The following SEMA6D variants were observed in gnomAD, a reference collection of about 807,000 sequenced individuals.
The protein encoded by SEMA6D is semaphorin 6D.
A neutral mutation model predicts 106.6 loss-of-function variants in SEMA6D; 35 were observed. The observed-to-expected ratio is 0.33, with a 90% confidence interval of 0.25 to 0.44. SEMA6D has a LOEUF of 0.44. SEMA6D is among the 20% of genes least tolerant of loss of function. SEMA6D has a pLI of 1.00. For missense variants in SEMA6D, 1,185 were observed against 1,345.9 expected (o/e 0.88, Z 1.87); for synonymous variants, 499 against 487.7 (o/e 1.02, Z -0.31).
At chr15:47,726,726 T>C (rs1007187311) in intron 1 of SEMA6D, among the ~76,000 whole-genome samples, 1 of 152,244 alleles carries the variant, frequency 6.6e-6, no homozygotes, top group South Asian at 2.1e-4. Flanking sequence ...ACAGCACTTA[T>C]AATAGTGCTT....
In SEMA6D at chr15:47,469,154, C is replaced by T. The variant is rs145605751; in HGVS notation, c.-158-1320C>T. ...TATCACTGACATGATTGAGAATTAT[C>T]AGTGCAAGGTGATGATAAAAAGCAA... On this transcript the variant is annotated intron_variant, in intron 2 of 19. Coordinates refer to the SEMA6D transcript ENST00000558014. Among the ~76,000 whole-genome samples the T allele has an allele frequency of 5.2e-3, 794 of 152,278 alleles. 5 individuals are homozygous for T. The highest frequency in any genetic ancestry group is 0.018 in the African/African-American group (757 of 41,552).
At chr15:47,587,102 A>G (rs1156245528) in intron 3 of SEMA6D, among the ~76,000 whole-genome samples, 1 of 152,150 alleles carries the variant, frequency 6.6e-6, no homozygotes, top group Non-Finnish European at 1.5e-5. Flanking sequence ...GATGGGCCCA[A>G]CCTGCTGGAG....
chr15:47,646,908 G>A (rs1197374900), intron 4 of SEMA6D, among the ~76,000 whole-genome samples: 4 of 152,152 alleles, frequency 2.6e-5, no homozygotes, highest in Non-Finnish European at 5.9e-5. Context: ...AAAAAGGTTG[G>A]CATTTAAGTT....
chr15:47,279,512 C>T (rs2035002801), intron 1 of SEMA6D, among the ~76,000 whole-genome samples: 1 of 148,704 alleles, frequency 6.7e-6, no homozygotes, highest in Non-Finnish European at 1.5e-5. Context: ...ATTGAATACC[C>T]TTTATTTCCT....
chr15:47,474,908 C>T (rs370528804), intron 3 of SEMA6D, among the ~76,000 whole-genome samples: 17 of 152,268 alleles, frequency 1.1e-4, no homozygotes, highest in African/African-American at 3.4e-4. Context: ...TGTTGCGGCA[C>T]GATTTCATGG....
chr15:47,488,476 G>GAA (rs66995768), intron 3 of SEMA6D, among the ~76,000 whole-genome samples: 32 of 146,746 alleles, frequency 2.2e-4, no homozygotes, highest in African/African-American at 6.9e-4. Context: ...TCTCATTTTT[G>GAA]AAAAAAAAAA....
chr15:47,567,822 C>G (rs1439784726), intron 3 of SEMA6D, among the ~76,000 whole-genome samples: 1 of 151,962 alleles, frequency 6.6e-6, no homozygotes, highest in Non-Finnish European at 1.5e-5. Flanking sequence ...GATTATTGAA[C>G]AGATAAATGA....
intron 4 of SEMA6D, among the ~76,000 whole-genome samples, chr15:47,665,030 G>A (rs1472041275): frequency 6.6e-6 from 1 of 152,066 alleles, no homozygotes; most frequent in Non-Finnish European, 1.5e-5. Flanking sequence ...GAGTATTACC[G>A]AGAAGATCCT....
In SEMA6D at chr15:47,771,894, A is replaced by G. The variant is rs1314085378; in HGVS notation, c.*109A>G. The G allele has an allele frequency of 1.9e-5, 22 of 1,182,540 alleles. No homozygotes were observed. Among genetic ancestry groups the G allele is most frequent in the Non-Finnish European group, 1.9e-5 (16 of 835,796 alleles). 73.3% of individuals were successfully genotyped at this position (1,182,540 alleles called of 1,614,324 possible). On this transcript the variant is annotated 3_prime_UTR_variant, in exon 19 of 19. Coordinates refer to ENST00000536845, the MANE Select transcript of SEMA6D (RefSeq NM_001358351.3). Reference sequence around the variant, plus strand: ...GACTCGCTTGTATTTTAAGAGAACCAAGTGGCCAAAGAAACTCTTTCTAAC... The same window carrying G: ...GACTCGCTTGTATTTTAAGAGAACCGAGTGGCCAAAGAAACTCTTTCTAAC...
intron 1 of SEMA6D, among the ~76,000 whole-genome samples, chr15:47,283,475 C>G (rs973110742): frequency 6.6e-6 from 1 of 152,152 alleles, no homozygotes; most frequent in African/African-American, 2.4e-5. Context: ...TGTCTCCTCT[C>G]ACTCAATTCC....
chr15:47,653,952 G>T lies in SEMA6D; in HGVS notation c.-55+53056G>T, dbSNP rs373051846. Among the ~76,000 whole-genome samples, 7 of 152,292 alleles carry T rather than the reference G, an allele frequency of 4.6e-5. No individual in the cohort carries two copies. In the East Asian group the frequency reaches 9.7e-4, roughly 21 times the overall value. On this transcript the variant is annotated intron_variant, in intron 4 of 19. Coordinates refer to the SEMA6D transcript ENST00000558014. ...AGACTTACATTGTTCCTGGCACTGT[G>T]CTGGGCTCTGGGAATTCAGTGGTGA...
chr15:47,507,884 T>G (rs1418105531), intron 3 of SEMA6D, among the ~76,000 whole-genome samples: 1 of 152,220 alleles, frequency 6.6e-6, no homozygotes, highest in Non-Finnish European at 1.5e-5. Context: ...TGAACAGATT[T>G]GGTTTGGTTC....
At chr15:47,460,413 C>A (rs957992281) in intron 2 of SEMA6D, among the ~76,000 whole-genome samples, 1 of 152,002 alleles carries the variant, frequency 6.6e-6, no homozygotes. Context: ...TTAGAGTAGT[C>A]CGAGAAATCA....
rs145558925 is a variant in SEMA6D at position 47,725,874 on chromosome 15, T to C, written c.-55+8182T>C. Among the ~76,000 whole-genome samples, 14 of 152,326 alleles carry C rather than the reference T, an allele frequency of 9.2e-5. No homozygotes were observed. The East Asian group carries it at 2.7e-3, about 29-fold the overall frequency. On this transcript the variant is annotated intron_variant, in intron 1 of 18. Transcript: ENST00000536845. Reference sequence around the variant, plus strand: ...ATGGTATATTTAAGTCTGTTACAAGTTAATAGTTATGTGACAGATAGTCTT... The same window carrying C: ...ATGGTATATTTAAGTCTGTTACAAGCTAATAGTTATGTGACAGATAGTCTT...
intron 3 of SEMA6D, among the ~76,000 whole-genome samples, chr15:47,561,108 T>C (rs1355215614): frequency 9.4e-5 from 14 of 149,650 alleles, no homozygotes; most frequent in Admixed American, 9.3e-4. Context: ...ACTTCCCAAA[T>C]TTAATTTAAA....
At chr15:47,291,055 CTTCA>C (rs1164643029) in intron 1 of SEMA6D, among the ~76,000 whole-genome samples, 1 of 152,110 alleles carries the variant, frequency 6.6e-6, no homozygotes, top group African/African-American at 2.4e-5. Context: ...CGTTTCAGGT[CTTCA>C]TTCAGAGTAA....
rs183679802 is a variant in SEMA6D, at chr15:47,556,178, G to C, written c.-86-44687G>C. 2.5e-4 allele frequency among the ~76,000 whole-genome samples: 38 copies of C among 151,978 alleles called. No homozygotes were observed. The East Asian group carries it at 7.0e-3, about 28-fold the overall frequency. On this transcript the variant is annotated intron_variant, in intron 3 of 19. Coordinates refer to the SEMA6D transcript ENST00000558014. Reference sequence around the variant, plus strand: ...GTTATACTTAAAAAGATTATTTATCGCACAAACAACACCATAATAGCTTTA... The same window carrying C: ...GTTATACTTAAAAAGATTATTTATCCCACAAACAACACCATAATAGCTTTA...
chr15:47,517,575 T>G (rs911055818), intron 3 of SEMA6D, among the ~76,000 whole-genome samples: 1 of 152,150 alleles, frequency 6.6e-6, no homozygotes, highest in Non-Finnish European at 1.5e-5. Context: ...GTCATTTTTG[T>G]TTTTGTTGGT....
chr15:47,669,208 C>G (rs1291608009), intron 4 of SEMA6D, among the ~76,000 whole-genome samples: 1 of 152,170 alleles, frequency 6.6e-6, no homozygotes, highest in Non-Finnish European at 1.5e-5. Flanking sequence ...TCCTGGCATC[C>G]TTTTCCTCCA....
Sources: allele counts gnomAD v4.1 joint callset (sites outside exome capture counted in the v4.1 genomes callset), GRCh38; gene constraint gnomAD v4.1.1; transcripts MANE v1.5; gene names NCBI Gene and HGNC (gene_info 2026-07-23, HGNC 2026-07-21).